Variants in KIAA1549L observed in about 807,000 individuals in gnomAD.
KIAA1549L encodes the protein UPF0606 protein KIAA1549L.
A neutral mutation model predicts 160.7 loss-of-function variants in KIAA1549L; 88 were observed. The observed-to-expected ratio is 0.55, with a 90% confidence interval of 0.46 to 0.65. The LOEUF (loss-of-function observed/expected upper bound fraction) is 0.65, where lower values mean the gene tolerates loss of function less well. KIAA1549L is among the 30% of genes least tolerant of loss of function. The pLI is 0.00. For missense variants in KIAA1549L, 2,258 were observed against 2,437.5 expected, an observed-to-expected ratio of 0.93 and a Z score of 1.55; for synonymous variants, 950 against 976.7, an observed-to-expected ratio of 0.97 and a Z score of 0.51.
At chr11:33,639,628 C>T (rs912796605) in intron 16 of KIAA1549L, among the ~76,000 whole-genome samples, 2 of 152,202 alleles carry the variant, frequency 1.3e-5, no homozygotes, top group Non-Finnish European at 2.9e-5. Context: ...CAACCTCCGC[C>T]TCCCGGGCTC....
At chr11:33,612,409 G>A (rs1850671015) in intron 15 of KIAA1549L, among the ~76,000 whole-genome samples, 1 of 152,138 alleles carries the variant, frequency 6.6e-6, no homozygotes, top group African/African-American at 2.4e-5. Flanking sequence ...CAGTGTATTA[G>A]GCCAGTCTCT....
Position 33,543,910 on chromosome 11 carries a change from A to G in KIAA1549L, c.2347A>G (p.Ile783Val). The change falls in exon 2 of 21, where the codon ATT becomes GTT. Residue 783 changes from isoleucine to valine, a missense_variant. By Grantham distance (29) the Ile-to-Val change is conservative. This residue lies in a region of KIAA1549L where 287 missense variants were observed against 292.3 expected (regional missense o/e 0.98). Transcript: ENST00000658780. ...TCAGGATCTAGTCCTCGGTACAAGC[A>G]TTGAGCAGCCTGTGCAACAGTCAGA... ...SIQDLVLGTS[I>V]EQPVQQSDMT... The G allele has an allele frequency of 6.8e-6, 11 of 1,614,044 alleles. No individual in the cohort carries two copies. The highest frequency in any genetic ancestry group is 9.3e-6 in the Non-Finnish European group (11 of 1,179,898).
chr11:33,459,262 G>T (rs940422199), intron 1 of KIAA1549L, among the ~76,000 whole-genome samples: 1 of 152,170 alleles, frequency 6.6e-6, no homozygotes, highest in Non-Finnish European at 1.5e-5. Flanking sequence ...ATTTTGATCT[G>T]TACTCTGAGA....
chr11:33,452,534 G>A (rs891614716), intron 1 of KIAA1549L, among the ~76,000 whole-genome samples: 6 of 152,202 alleles, frequency 3.9e-5, no homozygotes, highest in Non-Finnish European at 7.3e-5. Context: ...CGTGAACCCA[G>A]GAGGTGGAGC....
In KIAA1549L at chr11:33,668,250, G is replaced by GGTGA; in HGVS notation, c.*99_*102dup. 1 of 1,153,038 alleles carries GGTGA rather than the reference G, an allele frequency of 8.7e-7. No homozygotes were observed. Among genetic ancestry groups the GGTGA allele is most frequent in the Non-Finnish European group, 1.2e-6 (1 of 813,704 alleles). The allele number at this position is 1,153,038 out of a possible 1,614,324, so 71.4% of individuals were successfully genotyped here. On this transcript the variant is annotated 3_prime_UTR_variant, in exon 21 of 21. Coordinates refer to ENST00000658780, the MANE Select transcript of KIAA1549L (RefSeq NM_012194.3). ...TGTTAGGACTTGAGACATAGCAATG[G>GGTGA]GTGAGTCTTTCTCACCCTCCATTTC... is the stretch of plus-strand genomic sequence containing the variant.
chr11:33,461,087 A>T (rs1851932095), intron 1 of KIAA1549L, among the ~76,000 whole-genome samples: 1 of 152,086 alleles, frequency 6.6e-6, no homozygotes. Flanking sequence ...TGGTTTATAT[A>T]TATGTAATTC....
intron 1 of KIAA1549L, among the ~76,000 whole-genome samples, chr11:33,384,126 T>C (rs1001778023): frequency 2.6e-5 from 4 of 152,138 alleles, no homozygotes; most frequent in African/African-American, 7.2e-5. Flanking sequence ...CCCCTTGCAG[T>C]TAATCCACTC....
chr11:33,609,781 C>T lies in KIAA1549L; in HGVS notation c.5094C>T (p.Ile1698=), dbSNP rs1285372244. The change falls in exon 15 of 21, where the codon ATC becomes ATT. Residue 1698 remains isoleucine, a synonymous_variant. Coordinates refer to ENST00000658780, the MANE Select transcript of KIAA1549L (RefSeq NM_012194.3). ...AAGCCCTGAAGCAGAAGTCAGACAT[C>T]GAGCACTATCGGAACAAGCTGCGCC... The part of the protein sequence containing the change: ...VNKALKQKSD[I]EHYRNKLRLK... 17 of 1,611,364 alleles carry T rather than the reference C, an allele frequency of 1.1e-5. No individual in the cohort carries two copies. The highest frequency in any genetic ancestry group is 2.7e-5 in the African/African-American group (2 of 74,852).
chr11:33,574,978 AT>A, intron 10 of KIAA1549L, 105 bp downstream of exon 10: 4 of 967,918 alleles, frequency 4.1e-6, no homozygotes, highest in Non-Finnish European at 6.3e-6. Flanking sequence ...AGCTAAACAT[AT>A]TTGTATTCTG....
At chr11:33,513,148 T>C (rs1853264512) in intron 1 of KIAA1549L, among the ~76,000 whole-genome samples, 1 of 152,154 alleles carries the variant, frequency 6.6e-6, no homozygotes, top group Admixed American at 6.5e-5. Flanking sequence ...TTTTGGCCTG[T>C]GAGGTGTGTG....
chr11:33,536,927 C>G (rs975049722), intron 1 of KIAA1549L, among the ~76,000 whole-genome samples: 20 of 152,178 alleles, frequency 1.3e-4, no homozygotes, highest in African/African-American at 4.6e-4. Flanking sequence ...TTTTCCAAAA[C>G]AGAAATTTGC....
Position 33,653,873 on chromosome 11 carries a change from A to G in KIAA1549L, c.5761-2139A>G, listed in dbSNP as rs543383066. ...GATTAATCTATTATTTACTTCCTCT[A>G]CACTGAATGTTTTTATTTTAATAAT... On this transcript the variant is annotated intron_variant, in intron 17 of 20. Transcript: ENST00000658780. 2.0e-5 allele frequency among the ~76,000 whole-genome samples: 3 copies of G among 151,132 alleles called. No homozygotes were observed. The East Asian group carries it at 5.8e-4, about 29-fold the overall frequency.
At chr11:33,587,643 A>T (rs1849922079) in intron 11 of KIAA1549L, among the ~76,000 whole-genome samples, 1 of 152,246 alleles carries the variant, frequency 6.6e-6, no homozygotes, top group African/African-American at 2.4e-5. Flanking sequence ...TAACAATGGG[A>T]ACCTTTTAAG....
intron 1 of KIAA1549L, among the ~76,000 whole-genome samples, chr11:33,492,324 G>A (rs2133069130): frequency 6.6e-6 from 1 of 152,232 alleles, no homozygotes; most frequent in East Asian, 1.9e-4. Flanking sequence ...CTGAGATCGT[G>A]CCACTGCATT....
In KIAA1549L at chr11:33,623,322, C is replaced by A. The variant is rs934397824; in HGVS notation, c.5409+4660C>A. On this transcript the variant is annotated intron_variant, in intron 16 of 20. Coordinates refer to ENST00000658780, the MANE Select transcript of KIAA1549L (RefSeq NM_012194.3). ...CTAGAAGCAACCTGCTTGTTGCCCC[C>A]CTGACCTCGGTGCTCTTGTGTTGAC... Among the ~76,000 whole-genome samples, 6 of 152,152 alleles carry A rather than the reference C, an allele frequency of 3.9e-5. No homozygotes were observed. In the South Asian group the frequency reaches 8.3e-4, roughly 21 times the overall value.
At chr11:33,594,720 G>A (rs1850154028) in intron 12 of KIAA1549L, among the ~76,000 whole-genome samples, 1 of 152,224 alleles carries the variant, frequency 6.6e-6, no homozygotes, top group African/African-American at 2.4e-5. Flanking sequence ...TGACAGAGAT[G>A]TACGAACAAA....
At chr11:33,383,184 A>C (rs1054598616) in intron 1 of KIAA1549L, among the ~76,000 whole-genome samples, 1 of 152,092 alleles carries the variant, frequency 6.6e-6, no homozygotes, top group Non-Finnish European at 1.5e-5. Context: ...AATTACTGGA[A>C]TATGATCTGA....
chr11:33,663,172 T>C (rs1047964575), intron 20 of KIAA1549L, among the ~76,000 whole-genome samples: 1 of 152,208 alleles, frequency 6.6e-6, no homozygotes, highest in Non-Finnish European at 1.5e-5. Flanking sequence ...GCAAAGTCCC[T>C]CACCAGCATT....
chr11:33,502,848 A>T (rs1246249608), intron 1 of KIAA1549L, among the ~76,000 whole-genome samples: 1 of 152,192 alleles, frequency 6.6e-6, no homozygotes, highest in Non-Finnish European at 1.5e-5. Context: ...ATGGAGATAA[A>T]ACGTAACCTT....
Sources: allele counts gnomAD v4.1 joint callset (sites outside exome capture counted in the v4.1 genomes callset), GRCh38; gene constraint gnomAD v4.1.1; regional missense constraint gnomAD v4.1.1; transcripts MANE v1.5; gene names NCBI Gene and HGNC (gene_info 2026-07-23, HGNC 2026-07-21).